JAML: variants seen among roughly 807,000 people sequenced by gnomAD.
The protein encoded by JAML is junctional adhesion molecule-like.
A neutral mutation model predicts 39.3 loss-of-function variants in JAML; 25 were observed. That is an observed-to-expected ratio of 0.64 (90% CI 0.46 to 0.89). The LOEUF (loss-of-function observed/expected upper bound fraction) is 0.89, where lower values mean the gene tolerates loss of function less well. JAML is among the 40% of genes least tolerant of loss of function. The pLI is 0.00. For missense variants in JAML, 440 were observed against 486.9 expected (o/e 0.90, Z 0.91); for synonymous variants, 162 against 179.2 (o/e 0.90, Z 0.77).
rs773009177 is a variant in JAML at position 118,212,936 on chromosome 11, T to C, written c.44-375A>G. On this transcript the variant is annotated intron_variant, in intron 2 of 9. Coordinates refer to ENST00000356289, the MANE Select transcript of JAML (RefSeq NM_001098526.2). ...TTACCATAACGACGAAATGGGTTGT[T>C]CCTTGCTCTTAAATCTCCCACTGGT... is the stretch of plus-strand genomic sequence containing the variant. The C allele has an allele frequency of 5.6e-6, 9 of 1,614,116 alleles. No homozygotes were observed. In the African/African-American group the frequency reaches 1.1e-4, roughly 19 times the overall value.
chr11:118,195,198 G>A (rs1049122637), intron 9 of JAML, among the ~76,000 whole-genome samples: 4 of 152,098 alleles, frequency 2.6e-5, no homozygotes, highest in African/African-American at 9.7e-5. Context: ...ATGAGGCCTC[G>A]CAAGTTACTG....
chr11:118,213,130 C>A (rs1264933795), intron 2 of JAML: 9 of 1,426,096 alleles, frequency 6.3e-6, no homozygotes, highest in Middle Eastern at 2.0e-4. Flanking sequence ...CCTCTCCCTG[C>A]CTCACCCCTC....
At chr11:118,223,410 GT>G (rs1315317079) in intron 1 of JAML, among the ~76,000 whole-genome samples, 1 of 152,100 alleles carries the variant, frequency 6.6e-6, no homozygotes, top group Non-Finnish European at 1.5e-5. Flanking sequence ...GTATAGATTT[GT>G]TTATAAGGTT....
At chr11:118,207,659 T>A (rs79721923) in intron 4 of JAML, among the ~76,000 whole-genome samples, 1 of 134,146 alleles carries the variant, frequency 7.5e-6, no homozygotes, top group Non-Finnish European at 1.5e-5. Flanking sequence ...GTTGCCATGT[T>A]GGTGGAGGCA....
intron 1 of JAML, among the ~76,000 whole-genome samples, chr11:118,223,040 A>G (rs1949225345): frequency 6.9e-6 from 1 of 145,622 alleles, no homozygotes; most frequent in African/African-American, 2.5e-5. Flanking sequence ...GGTTGCAGAG[A>G]GTCGAGATTG....
intron 9 of JAML, among the ~76,000 whole-genome samples, chr11:118,195,200 AAGTTACTGC>A (rs1303347224): frequency 6.6e-6 from 1 of 152,180 alleles, no homozygotes; most frequent in Non-Finnish European, 1.5e-5. Context: ...GAGGCCTCGC[AAGTTACTGC>A]AGCATCACAT....
chr11:118,213,314 T>G, intron 2 of JAML: 1 of 1,039,890 alleles, frequency 9.6e-7, no homozygotes, highest in Non-Finnish European at 1.2e-6. Flanking sequence ...TCAAGAAAGA[T>G]ACATTTAGAT....
intron 7 of JAML, 143 bp from the exon 8 acceptor site, chr11:118,198,234 C>T (rs1617182): frequency 0.56 from 367,775 of 656,982 alleles, 105,073 homozygotes; most frequent in South Asian, 0.72. Context: ...GCCAGGGCTA[C>T]CCGGCTCACC....
intron 4 of JAML, chr11:118,209,255 T>C (rs919334079): frequency 5.5e-6 from 1 of 182,112 alleles, no homozygotes; most frequent in African/African-American, 2.4e-5. Context: ...GCTTATACTC[T>C]CCCTTTCAAA....
intron 8 of JAML, 68 bp downstream of exon 8, chr11:118,197,930 T>C (rs1948693871): frequency 3.5e-6 from 5 of 1,412,980 alleles, no homozygotes; most frequent in South Asian, 1.1e-5. Context: ...TAAGATATGG[T>C]TCCCGGGGGT....
At chr11:118,203,771 G>A (rs1350303401) in intron 5 of JAML, 106 bp from the exon 6 acceptor site, 1 of 896,686 alleles carries the variant, frequency 1.1e-6, no homozygotes, top group Non-Finnish European at 1.9e-6. Context: ...CCTGCTAGGT[G>A]AAGGCAGTAA....
At chr11:118,200,036 C>T (rs996850664) in intron 7 of JAML, among the ~76,000 whole-genome samples, 4 of 152,138 alleles carry the variant, frequency 2.6e-5, no homozygotes, top group African/African-American at 9.7e-5. Context: ...AACCTGAGGG[C>T]ACCCATTCAA....
chr11:118,223,747 T>A (rs1346538899), intron 1 of JAML, among the ~76,000 whole-genome samples: 1 of 152,050 alleles, frequency 6.6e-6, no homozygotes, highest in African/African-American at 2.4e-5. Flanking sequence ...CTCCTCCATA[T>A]CCTGTTGGGT....
In JAML at chr11:118,200,538, A is replaced by G. The variant is rs758898561; in HGVS notation, c.847T>C (p.Cys283Arg). Residue 283 changes from cysteine to arginine, a missense_variant, in exon 7 of 10, where the codon TGT becomes CGT. By Grantham distance (180) the Cys-to-Arg change is radical. Coordinates refer to ENST00000356289, the MANE Select transcript of JAML (RefSeq NM_001098526.2). ...ACAGGGAGCAGCAGGATTGTGGCAC[A>G]GACAATTCCCACAATGATCACCAAC... ...NQLVIIVGIVCATILLLPVLI... is the reference protein window; with the variant it reads ...NQLVIIVGIVRATILLLPVLI... 1 of 1,614,140 alleles carries G rather than the reference A, an allele frequency of 6.2e-7. No individual in the cohort carries two copies. Among genetic ancestry groups the G allele is most frequent in the Non-Finnish European group, 8.5e-7 (1 of 1,180,010 alleles).
chr11:118,209,411 C>A (rs1291802068), intron 4 of JAML, among the ~76,000 whole-genome samples: 5 of 152,226 alleles, frequency 3.3e-5, no homozygotes, highest in Admixed American at 3.3e-4. Flanking sequence ...CCTTCATGTT[C>A]TTTGGAGCTT....
At chr11:118,198,163 C>T (rs1721322689) in intron 7 of JAML, 72 bp from the exon 8 acceptor site, 2 of 1,276,716 alleles carry the variant, frequency 1.6e-6, no homozygotes, top group Admixed American at 3.5e-5. Flanking sequence ...CATGAGATCC[C>T]CTCTTGGCTT....
chr11:118,210,156 C>A (rs1249241048), intron 4 of JAML, among the ~76,000 whole-genome samples: 1 of 152,158 alleles, frequency 6.6e-6, no homozygotes, highest in African/African-American at 2.4e-5. Flanking sequence ...ACTTTGTTGT[C>A]AGAGGTGCCA....
intron 4 of JAML, among the ~76,000 whole-genome samples, chr11:118,210,142 A>G (rs955324985): frequency 2.0e-5 from 3 of 152,232 alleles, no homozygotes; most frequent in African/African-American, 7.2e-5. Flanking sequence ...TAAAAAGAAC[A>G]TGGACTTTGT....
intron 9 of JAML, 150 bp downstream of exon 9, chr11:118,196,585 A>C (rs1948661092): frequency 1.5e-6 from 1 of 683,686 alleles, no homozygotes. Context: ...TCACTCTTCT[A>C]TCCAGCAGAA....
Sources: allele counts gnomAD v4.1 joint callset (sites outside exome capture counted in the v4.1 genomes callset), GRCh38; gene constraint gnomAD v4.1.1; transcripts MANE v1.5; gene names NCBI Gene and HGNC (gene_info 2026-07-23, HGNC 2026-07-21).